Variants in CDH18 observed in about 807,000 individuals in gnomAD.
CDH18 encodes the protein cadherin-18.
Under a neutral mutation model 67.9 loss-of-function variants are expected in CDH18, and 31 were observed. The observed-to-expected ratio is 0.46, with a 90% CI of 0.34 to 0.62. CDH18 has a LOEUF of 0.62. Among genes scored for constraint, CDH18 ranks in the 20% least tolerant of loss-of-function variants. The pLI is 0.01. For synonymous variants in CDH18, 362 were observed against 347.2 expected (o/e 1.04, Z -0.48); for missense variants, 890 against 975.5 (o/e 0.91, Z 1.17).
chr5:19,738,556 A>G (rs777049232), intron 4 of CDH18, among the ~76,000 whole-genome samples: 4 of 152,246 alleles, frequency 2.6e-5, no homozygotes, highest in Admixed American at 6.5e-5. Context: ...ATTTTTTAAA[A>G]CATGATGTAC....
chr5:19,773,023 C>T (rs1773898620), intron 3 of CDH18, among the ~76,000 whole-genome samples: 1 of 152,066 alleles, frequency 6.6e-6, no homozygotes, highest in Non-Finnish European at 1.5e-5. Context: ...TTATATTTAT[C>T]TTCTGATATT....
chr5:20,030,436 T>C (rs1036678826), intron 2 of CDH18, among the ~76,000 whole-genome samples: 1 of 152,182 alleles, frequency 6.6e-6, no homozygotes, highest in African/African-American at 2.4e-5. Flanking sequence ...CAACAAATCT[T>C]ACATCTGATT....
chr5:19,917,115 T>C (rs1269776329), intron 2 of CDH18, among the ~76,000 whole-genome samples: 1 of 152,180 alleles, frequency 6.6e-6, no homozygotes, highest in Non-Finnish European at 1.5e-5. Flanking sequence ...CATGATAGCA[T>C]ATTTTTGTAA....
At chr5:19,849,177 T>C (rs765287381) in intron 2 of CDH18, among the ~76,000 whole-genome samples, 4 of 152,054 alleles carry the variant, frequency 2.6e-5, no homozygotes, top group Admixed American at 6.6e-5. Context: ...TGCAGCCAAT[T>C]AAACTAGTCT....
At chr5:20,098,892 G>T (rs1746218282) in intron 2 of CDH18, among the ~76,000 whole-genome samples, 1 of 152,096 alleles carries the variant, frequency 6.6e-6, no homozygotes. Context: ...AATTAAGTTA[G>T]TCAGCATTAT....
At position 19,828,651 on chromosome 5, in the gene CDH18, G is replaced by T. The variant is rs910500105; in HGVS notation, c.228+10108C>A. On this transcript the variant is annotated intron_variant, in intron 3 of 12. Transcript: ENST00000382275. ...AAATACAAAACCAAATAATCATCTC[G>T]ATAGATGCAGAAAAGGTTTCTGGTA... Among the ~76,000 whole-genome samples the T allele has an allele frequency of 5.1e-4, 78 of 152,202 alleles. 1 individual carries two copies. The highest frequency in any genetic ancestry group is 1.8e-3 in the African/African-American group (75 of 41,554).
At chr5:20,070,178 T>C (rs1198748824) in intron 2 of CDH18, among the ~76,000 whole-genome samples, 3 of 152,232 alleles carry the variant, frequency 2.0e-5, no homozygotes, top group Non-Finnish European at 2.9e-5. Flanking sequence ...TTATTTCACT[T>C]GGTAATATTC....
chr5:20,321,723 A>G lies in CDH18; in HGVS notation c.-579-66218T>C, dbSNP rs187775713. ...TTTCCTTTCCCATAATTTCCTTCAG[A>G]TATGTTATTGACATAATCATAGCTA... On this transcript the variant is annotated intron_variant, in intron 1 of 14. Coordinates refer to the CDH18 transcript ENST00000507958. Among the ~76,000 whole-genome samples, 237 of 150,836 alleles carry G rather than the reference A, an allele frequency of 1.6e-3. 1 individual carries two copies. Among genetic ancestry groups the G allele is most frequent in the Admixed American group, 0.015 (223 of 15,136 alleles).
At chr5:19,589,093 C>T (rs62349556) in intron 7 of CDH18, among the ~76,000 whole-genome samples, 17,419 of 152,034 alleles carry the variant, frequency 0.11, 1,335 homozygotes, top group Non-Finnish European at 0.16. Context: ...CTCTCCACCC[C>T]AAAACAACAG....
chr5:20,451,169 C>T (rs1181074254), intron 1 of CDH18, among the ~76,000 whole-genome samples: 1 of 152,168 alleles, frequency 6.6e-6, no homozygotes, highest in Non-Finnish European at 1.5e-5. Flanking sequence ...TCTTACTACT[C>T]TGTAAATTAC....
Position 19,581,386 on chromosome 5 carries a change from A to C in CDH18, c.1000-9554T>G, listed in dbSNP as rs928368479. 1.5e-4 allele frequency among the ~76,000 whole-genome samples: 23 copies of C among 152,040 alleles called. 1 individual carries two copies. Among genetic ancestry groups the C allele is most frequent in the Non-Finnish European group, 1.5e-5 (1 of 67,924 alleles). The stretch of plus-strand genomic sequence containing the variant: ...TTTTCCCATCAATCGTTTCCCAGCC[A>C]GATTTACATATTCAGGACTTTTTAA... On this transcript the variant is annotated intron_variant, in intron 7 of 12. Coordinates refer to ENST00000382275, the MANE Select transcript of CDH18 (RefSeq NM_004934.5).
chr5:20,501,556 A>ATATAT (rs1491463446), intron 1 of CDH18, among the ~76,000 whole-genome samples: 1 of 58,448 alleles, frequency 1.7e-5, no homozygotes, highest in African/African-American at 9.9e-5. Flanking sequence ...TTATATATAT[A>ATATAT]ATATATATAT....
rs144345399 is a variant in CDH18, at chr5:19,571,624, C to T, written c.1208G>A (p.Gly403Asp). Residue 403 changes from glycine (G) to aspartate (D), a missense_variant, in exon 8 of 13, where the codon GGT becomes GAT. Coordinates refer to ENST00000382275, the MANE Select transcript of CDH18 (RefSeq NM_004934.5). ...GTCAGGATCTTGTGCCAAAACTGTA[C>T]CAACGACGGTCCCAATCTTGGCATT... ...YENAKIGTVVGTVLAQDPDST... is the reference protein window; with the variant it reads ...YENAKIGTVVDTVLAQDPDST... The T allele has an allele frequency of 2.5e-6, 4 of 1,613,864 alleles. No individual in the cohort carries two copies. The highest frequency in any genetic ancestry group is 3.4e-6 in the Non-Finnish European group (4 of 1,179,882).
chr5:20,124,800 A>C (rs1468582636), intron 2 of CDH18, among the ~76,000 whole-genome samples: 1 of 152,216 alleles, frequency 6.6e-6, no homozygotes, highest in Non-Finnish European at 1.5e-5. Context: ...TGAATTAAGA[A>C]GAAAACAAAG....
chr5:20,441,117 G>T (rs1749573982), intron 1 of CDH18, among the ~76,000 whole-genome samples: 2 of 151,442 alleles, frequency 1.3e-5, no homozygotes, highest in South Asian at 4.1e-4. Context: ...GGCCGCCCAA[G>T]AACAGAATTT....
intron 6 of CDH18, among the ~76,000 whole-genome samples, chr5:19,595,317 A>C (rs1477438354): frequency 6.6e-6 from 1 of 152,250 alleles, no homozygotes; most frequent in African/African-American, 2.4e-5. Flanking sequence ...CGTAAACTAG[A>C]AAACATGGAT....
intron 2 of CDH18, among the ~76,000 whole-genome samples, chr5:20,125,209 G>A (rs1748718064): frequency 6.6e-6 from 1 of 152,086 alleles, no homozygotes; most frequent in African/African-American, 2.4e-5. Flanking sequence ...GGCTTAAGGA[G>A]GAAAATCTGG....
intron 1 of CDH18, among the ~76,000 whole-genome samples, chr5:20,519,953 T>A (rs1755636407): frequency 4.7e-5 from 1 of 21,246 alleles, no homozygotes; most frequent in Non-Finnish European, 1.1e-4. Flanking sequence ...TTTTTTTTTT[T>A]TTTTTTTTTT....
intron 2 of CDH18, among the ~76,000 whole-genome samples, chr5:19,852,867 G>A (rs1005954927): frequency 9.9e-5 from 15 of 152,020 alleles, no homozygotes; most frequent in Admixed American, 3.9e-4. Context: ...CAGAGCAACC[G>A]GTGGCCTTCA....
Sources: gnomAD v4.1 joint callset for allele counts (sites outside exome capture counted in the v4.1 genomes callset) on GRCh38, gnomAD v4.1.1 for gene constraint, MANE v1.5 for transcripts, NCBI Gene and HGNC (gene_info 2026-07-23, HGNC 2026-07-21) for gene names.